ARHGAP6: variants seen among roughly 807,000 people sequenced by gnomAD.
ARHGAP6 encodes the protein Rho GTPase activating protein 6, also known as rho GTPase-activating protein 6.
Under a neutral mutation model 55.7 loss-of-function variants are expected in ARHGAP6, and 16 were observed. That is an observed-to-expected ratio of 0.29 (90% CI 0.19 to 0.44). The LOEUF (loss-of-function observed/expected upper bound fraction) is 0.44, where lower values mean the gene tolerates loss of function less well. ARHGAP6 is among the 20% of genes least tolerant of loss of function. The pLI is 1.00. For synonymous variants in ARHGAP6, 382 were observed against 360.9 expected, an observed-to-expected ratio of 1.06 and a Z score of -0.66; for missense variants, 698 against 808.9, an observed-to-expected ratio of 0.86 and a Z score of 1.66.
chrX:11,454,670 T>C (rs987869420), intron 1 of ARHGAP6, among the ~76,000 whole-genome samples: 1 of 112,036 alleles, frequency 8.9e-6, no homozygotes, highest in African/African-American at 3.2e-5. Flanking sequence ...CTCTGCCTCA[T>C]GTGAGTGACA....
chrX:11,605,691 T>G (rs189004661), intron 1 of ARHGAP6, among the ~76,000 whole-genome samples: 8 of 111,637 alleles, frequency 7.2e-5, no homozygotes, highest in Non-Finnish European at 1.1e-4. Flanking sequence ...CTGAGAAATA[T>G]AAGACTATTT....
intron 1 of ARHGAP6, among the ~76,000 whole-genome samples, chrX:11,477,227 A>G (rs189870262): frequency 3.1e-4 from 34 of 111,277 alleles, no homozygotes; most frequent in African/African-American, 9.1e-4. Context: ...AAGATAATAA[A>G]TGGCTGATAG....
At chrX:11,468,746 G>A (rs945693609) in intron 1 of ARHGAP6, among the ~76,000 whole-genome samples, 1 of 112,084 alleles carries the variant, frequency 8.9e-6, no homozygotes, top group African/African-American at 3.2e-5. Flanking sequence ...CAGAATTGAT[G>A]CTAAGTGGCA....
At chrX:11,276,324 T>C (rs1223195308) in intron 1 of ARHGAP6, among the ~76,000 whole-genome samples, 1 of 111,992 alleles carries the variant, frequency 8.9e-6, no homozygotes, top group Non-Finnish European at 1.9e-5. Context: ...CTGTAGGTTC[T>C]GGAAGAATAG....
chrX:11,172,280 G>A (rs1268484479), intron 8 of ARHGAP6, among the ~76,000 whole-genome samples: 1 of 111,900 alleles, frequency 8.9e-6, no homozygotes, highest in East Asian at 2.8e-4. Context: ...CAATTTCAAA[G>A]AAAGTGCCCT....
intron 8 of ARHGAP6, among the ~76,000 whole-genome samples, chrX:11,176,876 G>T (rs140363621): frequency 2.1e-3 from 234 of 112,113 alleles, no homozygotes; most frequent in African/African-American, 7.2e-3. Flanking sequence ...AGAGATAAAT[G>T]GCTAAGTCAG....
chrX:11,476,703 A>G (rs2050406560), intron 1 of ARHGAP6, among the ~76,000 whole-genome samples: 1 of 111,403 alleles, frequency 9.0e-6, no homozygotes, highest in Non-Finnish European at 1.9e-5. Context: ...TGATTTCAAC[A>G]AAGGTGTCAA....
intron 1 of ARHGAP6, among the ~76,000 whole-genome samples, chrX:11,296,569 A>G (rs926657654): frequency 1.8e-5 from 2 of 112,148 alleles, no homozygotes; most frequent in African/African-American, 6.5e-5. Flanking sequence ...CCTCTTTAAA[A>G]TAAAAGGTCT....
chrX:11,534,558 C>T (rs1410555837), intron 1 of ARHGAP6, among the ~76,000 whole-genome samples: 2 of 109,852 alleles, frequency 1.8e-5, no homozygotes, highest in African/African-American at 6.6e-5. Flanking sequence ...TGTTTTCAGA[C>T]ATTACCAACT....
intron 1 of ARHGAP6, among the ~76,000 whole-genome samples, chrX:11,552,344 T>G (rs1351478035): frequency 1.9e-5 from 2 of 106,273 alleles, no homozygotes; most frequent in African/African-American, 6.9e-5. Flanking sequence ...GAACAGCCAA[T>G]ATGGAAAACA....
At chrX:11,466,839 T>A (rs1281600443) in intron 1 of ARHGAP6, among the ~76,000 whole-genome samples, 1 of 112,168 alleles carries the variant, frequency 8.9e-6, no homozygotes, top group African/African-American at 3.2e-5. Context: ...TCTATATATG[T>A]TTCTTACAGT....
chrX:11,211,530 T>G (rs1322288440), intron 2 of ARHGAP6, among the ~76,000 whole-genome samples: 1 of 105,515 alleles, frequency 9.5e-6, no homozygotes, highest in Non-Finnish European at 1.9e-5. Flanking sequence ...GCGCCTGGCC[T>G]ATGAGAACAG....
At chrX:11,532,423 T>A (rs1435032053) in intron 1 of ARHGAP6, among the ~76,000 whole-genome samples, 1 of 112,210 alleles carries the variant, frequency 8.9e-6, no homozygotes, top group Non-Finnish European at 1.9e-5. Flanking sequence ...CAAAACCTAT[T>A]CCCTCTCCAC....
At chrX:11,530,523 G>A (rs924905327) in intron 1 of ARHGAP6, among the ~76,000 whole-genome samples, 2 of 111,708 alleles carry the variant, frequency 1.8e-5, no homozygotes, top group African/African-American at 3.3e-5. Context: ...CGATACATAC[G>A]AGAGAAGTTA....
At chrX:11,556,693 G>T (rs768316067) in intron 1 of ARHGAP6, among the ~76,000 whole-genome samples, 1 of 112,137 alleles carries the variant, frequency 8.9e-6, no homozygotes, top group East Asian at 2.8e-4. Context: ...TTTTGTTATG[G>T]TAAGGTTCTA....
chrX:11,363,555 G>A (rs2049038118), intron 1 of ARHGAP6, among the ~76,000 whole-genome samples: 1 of 112,027 alleles, frequency 8.9e-6, no homozygotes, highest in African/African-American at 3.2e-5. Context: ...TCTCAGCAAT[G>A]TAGAGGTAAC....
chrX:11,490,253 T>G (rs764200653), intron 1 of ARHGAP6, among the ~76,000 whole-genome samples: 1 of 111,589 alleles, frequency 9.0e-6, no homozygotes, highest in South Asian at 3.8e-4. Context: ...CCTTGCTGAC[T>G]TTGAGGAAGT....
intron 1 of ARHGAP6, among the ~76,000 whole-genome samples, chrX:11,389,427 T>C (rs1238869953): frequency 2.7e-5 from 3 of 112,308 alleles, no homozygotes; most frequent in East Asian, 5.5e-4. Flanking sequence ...TCCTGTGGGT[T>C]TACCACAATG....
chrX:11,427,719 C>T, intron 1 of ARHGAP6: 4 of 790,228 alleles, frequency 5.1e-6, no homozygotes, highest in Non-Finnish European at 6.0e-6. Flanking sequence ...CCGTGCGTGC[C>T]GAGTGCTGTG....
Sources: gnomAD v4.1 joint callset for allele counts (sites outside exome capture counted in the v4.1 genomes callset) on GRCh38, gnomAD v4.1.1 for gene constraint, MANE v1.5 for transcripts, NCBI Gene and HGNC (gene_info 2026-07-23, HGNC 2026-07-21) for gene names.